TTC17: variants seen among roughly 807,000 people sequenced by gnomAD.
The protein encoded by TTC17 is tetratricopeptide repeat protein 17.
A neutral mutation model predicts 143.8 loss-of-function variants in TTC17; 58 were observed. That is an observed-to-expected ratio of 0.40 (90% confidence interval 0.33 to 0.50). The LOEUF is 0.50. Ranked by LOEUF, TTC17 falls within the 20% of genes least tolerant of loss-of-function variation. The probability of loss-of-function intolerance (pLI) is 0.49; values close to 1 mark genes in which losing one functional copy is unlikely to be tolerated. For missense variants in TTC17, 1,273 were observed against 1,392.5 expected (o/e 0.91, Z 1.37); for synonymous variants, 501 against 497.8 (o/e 1.01, Z -0.09).
intron 1 of TTC17, among the ~76,000 whole-genome samples, chr11:43,359,605 A>G (rs1251033337): frequency 6.6e-6 from 1 of 152,146 alleles, no homozygotes; most frequent in Non-Finnish European, 1.5e-5. Flanking sequence ...CGTCTACCAC[A>G]TGGTGGATTT....
chr11:43,366,879 G>A (rs1436684898), intron 1 of TTC17, among the ~76,000 whole-genome samples: 3 of 151,890 alleles, frequency 2.0e-5, no homozygotes, highest in Admixed American at 6.6e-5. Flanking sequence ...ACTTCTTCTG[G>A]GCCTTTGCAT....
At chr11:43,434,738 GTTGT>G (rs1271798351) in intron 16 of TTC17, among the ~76,000 whole-genome samples, 2 of 152,186 alleles carry the variant, frequency 1.3e-5, no homozygotes, top group East Asian at 1.9e-4. Flanking sequence ...GTCTCCCCAA[GTTGT>G]TTGTCGATTT....
chr11:43,370,138 C>G (rs946265147), intron 1 of TTC17: 34 of 453,316 alleles, frequency 7.5e-5, no homozygotes, highest in Non-Finnish European at 1.0e-4. Flanking sequence ...GCTATTTTTG[C>G]GAACCTGTAC....
chr11:43,397,939 T>C (rs1291360177), intron 7 of TTC17, 35 bp from the exon 8 acceptor site: 1 of 1,593,974 alleles, frequency 6.3e-7, no homozygotes, highest in African/African-American at 1.4e-5. Flanking sequence ...TGTGTGTGTG[T>C]GTGTGTGTGT....
At chr11:43,466,317 T>C (rs558867924) in intron 21 of TTC17, 2 of 153,254 alleles carry the variant, frequency 1.3e-5, no homozygotes, top group Non-Finnish European at 2.9e-5. Flanking sequence ...ACCTGTGCAC[T>C]GTTGGTGGGA....
chr11:43,405,034 C>T (rs532026701), intron 11 of TTC17, among the ~76,000 whole-genome samples: 96 of 151,306 alleles, frequency 6.3e-4, no homozygotes, highest in Non-Finnish European at 1.1e-3. Flanking sequence ...ATAGGATAAA[C>T]TTCAGGTTTG....
chr11:43,406,185 C>T (rs1001922966), intron 13 of TTC17, among the ~76,000 whole-genome samples: 14 of 152,180 alleles, frequency 9.2e-5, no homozygotes, highest in African/African-American at 3.1e-4. Flanking sequence ...ATTCCTCTAA[C>T]GCAGAGCACT....
chr11:43,383,579 G>A (rs1857058784), intron 2 of TTC17, among the ~76,000 whole-genome samples: 1 of 151,498 alleles, frequency 6.6e-6, no homozygotes. Context: ...GACCAGGCTG[G>A]CCTTAAACTC....
intron 21 of TTC17, among the ~76,000 whole-genome samples, chr11:43,474,186 C>CA (rs1467009020): frequency 1.3e-5 from 2 of 152,124 alleles, no homozygotes; most frequent in East Asian, 3.9e-4. Context: ...GAGGCTTCCA[C>CA]ACAGTGGAGG....
chr11:43,413,954 A>G (rs1232823109), intron 15 of TTC17, among the ~76,000 whole-genome samples: 1 of 152,236 alleles, frequency 6.6e-6, no homozygotes, highest in African/African-American at 2.4e-5. Flanking sequence ...CTCAAAGAAA[A>G]TGAGGACAAT....
intron 21 of TTC17, among the ~76,000 whole-genome samples, chr11:43,472,518 T>G (rs1239848511): frequency 1.3e-5 from 2 of 152,188 alleles, no homozygotes; most frequent in African/African-American, 4.8e-5. Context: ...TATATGTAAC[T>G]AATAGCATAG....
chr11:43,447,815 G>A (rs1484290566), intron 18 of TTC17, 187 bp from the exon 19 acceptor site: 1 of 596,018 alleles, frequency 1.7e-6, no homozygotes, highest in African/African-American at 1.9e-5. Context: ...ACTCAGAGAT[G>A]ATCTTTAGTT....
intron 21 of TTC17, among the ~76,000 whole-genome samples, chr11:43,482,654 C>G (rs990573088): frequency 3.3e-5 from 5 of 152,062 alleles, no homozygotes; most frequent in African/African-American, 1.2e-4. Flanking sequence ...ATATTGTCTT[C>G]TGCTTTTGTT....
intron 9 of TTC17, among the ~76,000 whole-genome samples, chr11:43,400,523 A>C (rs1857808546): frequency 6.6e-6 from 1 of 152,132 alleles, no homozygotes; most frequent in South Asian, 2.1e-4. Flanking sequence ...AGCCAGACCC[A>C]CCCTACAAAC....
At chr11:43,404,361 A>G (rs1052503198) in intron 11 of TTC17, among the ~76,000 whole-genome samples, 20 of 152,236 alleles carry the variant, frequency 1.3e-4, no homozygotes, top group African/African-American at 4.8e-4. Context: ...AGTAGAGCAG[A>G]TAGACACCCT....
rs770219797 is a variant in TTC17 at position 43,396,861 on chromosome 11, A to G, written c.773+43A>G. 5.5e-6 allele frequency: 7 copies of G among 1,278,822 alleles called. 1 individual carries two copies. In the Admixed American group the frequency reaches 7.5e-5, roughly 14 times the overall value. 79.2% of individuals were successfully genotyped at this position (1,278,822 alleles called of 1,614,324 possible). ...CTGGACCTGATTTTCCACATTCCTC[A>G]GGACTGTTAAAGAAACAATACATAA... On this transcript the variant is annotated intron_variant, in intron 6 of 23. Transcript: ENST00000039989.
chr11:43,455,991 A>G (rs1947754736), intron 21 of TTC17, among the ~76,000 whole-genome samples: 1 of 152,186 alleles, frequency 6.6e-6, no homozygotes, highest in African/African-American at 2.4e-5. Context: ...ATTTTGAAAA[A>G]TACATCATGA....
intron 8 of TTC17, among the ~76,000 whole-genome samples, chr11:43,398,515 T>C (rs143385736): frequency 6.6e-5 from 10 of 152,318 alleles, no homozygotes; most frequent in African/African-American, 2.4e-4. Flanking sequence ...ATAGTTGATA[T>C]TTCTCCTCTT....
intron 21 of TTC17, among the ~76,000 whole-genome samples, chr11:43,460,597 C>T (rs1348116644): frequency 6.6e-6 from 1 of 152,186 alleles, no homozygotes; most frequent in Non-Finnish European, 1.5e-5. Context: ...AACAAATCAC[C>T]CCAAAATTTA....
Sources: allele counts gnomAD v4.1 joint callset (sites outside exome capture counted in the v4.1 genomes callset), GRCh38; gene constraint gnomAD v4.1.1; transcripts MANE v1.5; gene names NCBI Gene and HGNC (gene_info 2026-07-23, HGNC 2026-07-21).